Variants in SPTBN4 observed in about 807,000 individuals in gnomAD.
The protein encoded by SPTBN4 is spectrin beta chain, non-erythrocytic 4.
In SPTBN4, 96 loss-of-function variants were observed where a neutral mutation model predicts 277.8. The observed-to-expected ratio is 0.35, with a 90% CI of 0.29 to 0.41. SPTBN4 has a LOEUF of 0.41. Among genes scored for constraint, SPTBN4 ranks in the 10% least tolerant of loss-of-function variants. SPTBN4 has a pLI of 1.00. For synonymous variants in SPTBN4, 1,481 were observed against 1,580.3 expected, an observed-to-expected ratio of 0.94 and a Z score of 1.49; for missense variants, 3,006 against 3,595.7, an observed-to-expected ratio of 0.84 and a Z score of 4.19.
chr19:40,554,471 G>C lies in SPTBN4; in HGVS notation c.4954-45G>C. The C allele has an allele frequency of 6.7e-7, 1 of 1,488,814 alleles. No homozygotes were observed. Among genetic ancestry groups the C allele is most frequent in the Middle Eastern group, 1.8e-4 (1 of 5,646 alleles). 92.2% of individuals were successfully genotyped at this position (1,488,814 alleles called of 1,614,324 possible). ...CGGAGGGCCTGGGGGCGCTGGAGCC[G>C]GGGGCCGCCGCTGCCGCCTCATCGT... On this transcript the variant is annotated intron_variant, in intron 23 of 35. Coordinates refer to ENST00000598249, the MANE Select transcript of SPTBN4 (RefSeq NM_020971.3). This position sits in a 1 kb window ranked among gnomAD's most constrained non-coding sequence, Gnocchi z 5.7.
intron 1 of SPTBN4, among the ~76,000 whole-genome samples, chr19:40,468,372 C>A (rs1370506824): frequency 6.6e-6 from 1 of 152,078 alleles, no homozygotes; most frequent in Non-Finnish European, 1.5e-5. Context: ...GAGCCACCGC[C>A]TGGCCTACCC....
At position 40,570,517 on chromosome 19, in the gene SPTBN4, G is replaced by C. The variant is rs752781807; in HGVS notation, c.7108G>C (p.Asp2370His). ...LELPERTPRPDRPRARDRPKP... is the reference protein window; with the variant it reads ...LELPERTPRPHRPRARDRPKP... ...GCTGCCCGAGCGGACACCTCGGCCG[G>C]ACCGGCCCCGGGCGCGGGACCGGCC... Residue 2370 changes from aspartate to histidine, a missense_variant, in exon 33 of 36, where the codon GAC becomes CAC. Physicochemically the swap from Asp to His is moderately conservative, Grantham distance 81 (BLOSUM62 -1). Coordinates refer to ENST00000598249, the MANE Select transcript of SPTBN4 (RefSeq NM_020971.3). 65 of 1,497,294 alleles carry C rather than the reference G, an allele frequency of 4.3e-5. No individual in the cohort carries two copies. Among genetic ancestry groups the C allele is most frequent in the South Asian group, 2.1e-4 (17 of 79,754 alleles). The allele number at this position is 1,497,294 out of a possible 1,614,324, so 92.8% of individuals were successfully genotyped here.
At position 40,546,085 on chromosome 19, in the gene SPTBN4, C is replaced by T. The variant is rs568526009; in HGVS notation, c.4360-3104C>T. On this transcript the variant is annotated intron_variant, in intron 20 of 35. Transcript: ENST00000598249. Reference sequence around the variant, plus strand: ...AAAAAAAAAATCAAAATTAACCGGGCGTGGTGATGTGTGCCTGTGATCCCA... The same window carrying T: ...AAAAAAAAAATCAAAATTAACCGGGTGTGGTGATGTGTGCCTGTGATCCCA... 1.2e-4 allele frequency among the ~76,000 whole-genome samples: 18 copies of T among 145,666 alleles called. No individual in the cohort carries two copies. In the South Asian group the frequency reaches 3.7e-3, roughly 30 times the overall value.
At chr19:40,520,777 G>T (rs976230193) in intron 16 of SPTBN4, among the ~76,000 whole-genome samples, 7 of 152,336 alleles carry the variant, frequency 4.6e-5, no homozygotes, top group Admixed American at 3.9e-4. Context: ...TCTGGGATGG[G>T]AACCAAGTTT....
intron 7 of SPTBN4, among the ~76,000 whole-genome samples, chr19:40,500,859 AAAAAG>A (rs1196930600): frequency 1.3e-5 from 2 of 151,814 alleles, no homozygotes; most frequent in Non-Finnish European, 2.9e-5. Flanking sequence ...AAAAAGAAAG[AAAAAG>A]AAAAGAAAGG....
At position 40,563,704 on chromosome 19, in the gene SPTBN4, ACTC is replaced by A. The variant is rs1568378206; in HGVS notation, c.5916-1717_5916-1715del. Among the ~76,000 whole-genome samples, 8 of 148,596 alleles carry A rather than the reference ACTC, an allele frequency of 5.4e-5. No individual in the cohort carries two copies. The South Asian group carries it at 1.7e-3, about 32-fold the overall frequency. ...AGTCCAGCCTAGGTGACAGAAGGAG[ACTC>A]CATCTCAAAAACAACAACAACCAAA... On this transcript the variant is annotated intron_variant, in intron 27 of 35. Transcript: ENST00000598249.
chr19:40,494,097 G>GT (rs35701747), intron 5 of SPTBN4, among the ~76,000 whole-genome samples: 10,761 of 152,204 alleles, frequency 0.071, 524 homozygotes, highest in East Asian at 0.13. Context: ...GCAGGGAGCA[G>GT]TAAGACCTGA....
chr19:40,567,602 C>CG, intron 30 of SPTBN4, 61 bp from the exon 31 acceptor site: 47 of 1,339,922 alleles, frequency 3.5e-5, no homozygotes, highest in Non-Finnish European at 4.1e-5. Context: ...CTCCCCGGAC[C>CG]TCCCCCTTAC....
rs567904112 is a variant in SPTBN4 at position 40,489,950 on chromosome 19, G to A, written c.322-125G>A. 1.2e-4 allele frequency: 113 copies of A among 966,234 alleles called. No individual in the cohort carries two copies. The East Asian group carries it at 3.0e-3, about 26-fold the overall frequency. 59.9% of individuals were successfully genotyped at this position (966,234 alleles called of 1,614,324 possible). A position where few individuals can be genotyped will look rare whatever the true frequency, so the allele number is the denominator to read the frequency against. ...TCTTGGATAAAACGAGAGGAGGACAGCCTGATCCTGGACACTCAGGGGGCG... is the reference window on the plus strand; with the variant it reads ...TCTTGGATAAAACGAGAGGAGGACAACCTGATCCTGGACACTCAGGGGGCG... On this transcript the variant is annotated intron_variant, in intron 3 of 35. Transcript: ENST00000598249.
chr19:40,533,032 T>A (rs1056835293), intron 19 of SPTBN4, among the ~76,000 whole-genome samples: 6 of 152,158 alleles, frequency 3.9e-5, no homozygotes, highest in African/African-American at 1.4e-4. Flanking sequence ...AATATTTCAC[T>A]TCTTAATATA....
intron 27 of SPTBN4, among the ~76,000 whole-genome samples, chr19:40,561,092 CA>C (rs2081038090): frequency 6.6e-6 from 1 of 152,178 alleles, no homozygotes; most frequent in African/African-American, 2.4e-5. Flanking sequence ...CACCTCACTG[CA>C]ACCTCCGTCT....
chr19:40,526,135 C>T (rs1259625149), intron 17 of SPTBN4, among the ~76,000 whole-genome samples: 1 of 151,548 alleles, frequency 6.6e-6, no homozygotes, highest in African/African-American at 2.4e-5. Context: ...TTGCCTGGCC[C>T]CTCACCTGGA....
chr19:40,498,911 A>C (rs1416674413), intron 7 of SPTBN4, among the ~76,000 whole-genome samples: 1 of 151,792 alleles, frequency 6.6e-6, no homozygotes, highest in African/African-American at 2.4e-5. Context: ...CATGTTGCCC[A>C]GGCTGGTCTC....
chr19:40,525,055 CAGGCCAGAAGGG>C (rs1446060052), intron 17 of SPTBN4, among the ~76,000 whole-genome samples: 1 of 152,092 alleles, frequency 6.6e-6, no homozygotes, highest in Non-Finnish European at 1.5e-5. Context: ...CGGCATGATC[CAGGCCAGAAGGG>C]GACCCAGTAC....
In SPTBN4 at chr19:40,554,455, T is replaced by C; in HGVS notation, c.4953+30T>C. On this transcript the variant is annotated intron_variant, in intron 23 of 35. Transcript: ENST00000598249. The surrounding 1 kb of genome is among the most constrained non-coding windows in gnomAD (Gnocchi z 5.7). Reference sequence around the variant, plus strand: ...GCCCGAGCTGGGGGTGCGGAGGGCCTGGGGGCGCTGGAGCCGGGGGCCGCC... The same window carrying C: ...GCCCGAGCTGGGGGTGCGGAGGGCCCGGGGGCGCTGGAGCCGGGGGCCGCC... The C allele has an allele frequency of 1.3e-6, 2 of 1,509,604 alleles. No homozygotes were observed. Among genetic ancestry groups the C allele is most frequent in the Admixed American group, 2.2e-5 (1 of 45,278 alleles). The allele number at this position is 1,509,604 out of a possible 1,614,324, so 93.5% of individuals were successfully genotyped here.
chr19:40,497,183 A>G (rs2080208844), intron 6 of SPTBN4, among the ~76,000 whole-genome samples: 1 of 151,572 alleles, frequency 6.6e-6, no homozygotes, highest in African/African-American at 2.4e-5. Flanking sequence ...ACAGGCAGGC[A>G]CCGTGTGGGC....
chr19:40,507,947 A>G (rs1305492711), intron 13 of SPTBN4, among the ~76,000 whole-genome samples: 2 of 152,216 alleles, frequency 1.3e-5, no homozygotes, highest in Admixed American at 6.5e-5. Context: ...GGGATCATTC[A>G]GCCCCAGGTA....
intron 3 of SPTBN4, 56 bp downstream of exon 3, chr19:40,487,904 G>T (rs2080091069): frequency 7.3e-6 from 11 of 1,508,026 alleles, no homozygotes; most frequent in Non-Finnish European, 9.7e-6. Context: ...CAGGCTGGGG[G>T]TTGGGCTTCT....
In SPTBN4 at chr19:40,502,541, G is replaced by T; in HGVS notation, c.1203+34G>T. ...GGGGATGCAGGGGAGAGGCGGGGTT[G>T]CACTGTGGAGTTGTATAGGTTGCAC... On this transcript the variant is annotated intron_variant, in intron 10 of 35. Transcript: ENST00000598249. The surrounding 1 kb of genome is among the most constrained non-coding windows in gnomAD (Gnocchi z 4.9). The T allele has an allele frequency of 6.3e-7, 1 of 1,577,192 alleles. No individual in the cohort carries two copies.
Sources: gnomAD v4.1 joint callset for allele counts (sites outside exome capture counted in the v4.1 genomes callset) on GRCh38, gnomAD v4.1.1 for gene constraint, Gnocchi (gnomAD v3.1) non-coding constraint, MANE v1.5 for transcripts, NCBI Gene and HGNC (gene_info 2026-07-23, HGNC 2026-07-21) for gene names.